The following L3MBTL3 variants were observed in gnomAD, a reference collection of about 807,000 sequenced individuals.
The protein encoded by L3MBTL3 is L3MBTL histone methyl-lysine binding protein 3.
A neutral mutation model predicts 102.3 loss-of-function variants in L3MBTL3; 27 were observed. That is an observed-to-expected ratio of 0.26 (90% CI 0.19 to 0.36). L3MBTL3 has a LOEUF of 0.36. Among genes scored for constraint, L3MBTL3 ranks in the 10% least tolerant of loss-of-function variants. L3MBTL3 has a pLI of 1.00. For missense variants in L3MBTL3, 798 were observed against 955.3 expected (o/e 0.84, Z 2.17); for synonymous variants, 340 against 320.9 (o/e 1.06, Z -0.64).
At chr6:130,057,012 T>A (rs1336149703) in intron 8 of L3MBTL3, among the ~76,000 whole-genome samples, 1 of 152,214 alleles carries the variant, frequency 6.6e-6, no homozygotes, top group Non-Finnish European at 1.5e-5. Flanking sequence ...TTTTCCTTCC[T>A]TTTCAAGATT....
chr6:130,056,939 A>G (rs1781547568), intron 8 of L3MBTL3, among the ~76,000 whole-genome samples: 1 of 152,164 alleles, frequency 6.6e-6, no homozygotes, highest in Non-Finnish European at 1.5e-5. Flanking sequence ...AACTGCCTCT[A>G]TTATTTTTAT....
At chr6:130,061,795 G>A (rs1312227852) in intron 10 of L3MBTL3, among the ~76,000 whole-genome samples, 1 of 152,248 alleles carries the variant, frequency 6.6e-6, no homozygotes, top group East Asian at 1.9e-4. Flanking sequence ...TCATCTAAGA[G>A]GTGGGTGCAG....
chr6:130,118,548 A>G (rs554857228), intron 19 of L3MBTL3, among the ~76,000 whole-genome samples: 1 of 152,352 alleles, frequency 6.6e-6, no homozygotes, highest in East Asian at 1.9e-4. Context: ...GAAACAGCAC[A>G]TAGAACCTCA....
In L3MBTL3 at chr6:130,030,303, G is replaced by A. The variant is rs575156834; in HGVS notation, c.-16+7998G>A. Among the ~76,000 whole-genome samples the A allele has an allele frequency of 6.6e-5, 10 of 152,222 alleles. 1 individual carries two copies. Among genetic ancestry groups the A allele is most frequent in the African/African-American group, 2.4e-4 (10 of 41,526 alleles). On this transcript the variant is annotated intron_variant, in intron 2 of 22. Coordinates refer to ENST00000361794, the MANE Select transcript of L3MBTL3 (RefSeq NM_032438.4). The stretch of plus-strand genomic sequence containing the variant: ...TACCTAACCCATTTTACAGTTGAAG[G>A]AGCTAAAGCTCAAGAAAGGTTAGGT...
intron 10 of L3MBTL3, among the ~76,000 whole-genome samples, chr6:130,064,488 A>G (rs1015135934): frequency 5.3e-5 from 8 of 152,238 alleles, no homozygotes; most frequent in Admixed American, 5.2e-4. Context: ...ATGCCAGGGT[A>G]TTGGATAAGT....
chr6:130,031,292 A>C (rs909106743), intron 2 of L3MBTL3, among the ~76,000 whole-genome samples: 10 of 152,336 alleles, frequency 6.6e-5, no homozygotes, highest in Admixed American at 2.0e-4. Flanking sequence ...ATCCAACTTG[A>C]AGATGAATAA....
chr6:130,138,119 T>C (rs1787900590), intron 22 of L3MBTL3: 2 of 152,240 alleles, frequency 1.3e-5, no homozygotes, highest in South Asian at 4.1e-4. Context: ...AGGCAGTCTA[T>C]ATTTACAGGT....
At chr6:130,108,068 T>A (rs1206784468) in intron 19 of L3MBTL3, among the ~76,000 whole-genome samples, 1 of 152,174 alleles carries the variant, frequency 6.6e-6, no homozygotes, top group Non-Finnish European at 1.5e-5. Flanking sequence ...TCGGCTTCCC[T>A]ACTTGCTAGG....
chr6:130,107,776 T>C (rs1227267323), intron 19 of L3MBTL3, among the ~76,000 whole-genome samples: 1 of 152,220 alleles, frequency 6.6e-6, no homozygotes, highest in Non-Finnish European at 1.5e-5. Flanking sequence ...CACTAAAACT[T>C]TGGAGGTAGA....
intron 22 of L3MBTL3, chr6:130,138,469 A>G (rs1787947613): frequency 6.6e-6 from 1 of 152,128 alleles, no homozygotes; most frequent in Non-Finnish European, 1.5e-5. Flanking sequence ...TTCCCTCTAT[A>G]TGTGTCTCTT....
intron 22 of L3MBTL3, among the ~76,000 whole-genome samples, chr6:130,136,790 G>A (rs1787731976): frequency 6.6e-6 from 1 of 152,032 alleles, no homozygotes; most frequent in South Asian, 2.1e-4. Flanking sequence ...GCTAATTTTT[G>A]TATTTTTAGT....
intron 20 of L3MBTL3, among the ~76,000 whole-genome samples, chr6:130,129,948 C>T (rs1189128548): frequency 6.6e-6 from 1 of 152,156 alleles, no homozygotes; most frequent in Admixed American, 6.6e-5. Flanking sequence ...CAAATTTGCT[C>T]AAATGAAGCT....
intron 18 of L3MBTL3, among the ~76,000 whole-genome samples, chr6:130,100,364 C>T (rs1784608371): frequency 6.6e-6 from 1 of 152,262 alleles, no homozygotes; most frequent in South Asian, 2.1e-4. Context: ...CACCTGAGCT[C>T]CTTTTGCATT....
intron 16 of L3MBTL3, among the ~76,000 whole-genome samples, chr6:130,091,796 G>A (rs1361862213): frequency 6.6e-6 from 1 of 152,042 alleles, no homozygotes; most frequent in African/African-American, 2.4e-5. Context: ...ATATGTGGGA[G>A]CTAAAAAAAA....
chr6:130,134,778 A>G (rs1582658368), intron 22 of L3MBTL3, among the ~76,000 whole-genome samples: 1 of 152,316 alleles, frequency 6.6e-6, no homozygotes. Flanking sequence ...GTAAAGCTCA[A>G]CTGTTAAGAA....
intron 15 of L3MBTL3, among the ~76,000 whole-genome samples, chr6:130,085,725 A>T (rs1584400232): frequency 6.6e-6 from 1 of 152,188 alleles, no homozygotes; most frequent in Non-Finnish European, 1.5e-5. Flanking sequence ...TTCTTTTATG[A>T]CATCATTCTC....
chr6:130,068,254 A>G, intron 11 of L3MBTL3, 76 bp from the exon 12 acceptor site: 1 of 731,974 alleles, frequency 1.4e-6, no homozygotes, highest in South Asian at 2.0e-5. Flanking sequence ...CATGTTAGAG[A>G]TAAAAGTGGG....
intron 19 of L3MBTL3, among the ~76,000 whole-genome samples, chr6:130,116,973 TTTTA>T (rs1261252613): frequency 6.3e-4 from 83 of 131,864 alleles, no homozygotes; most frequent in African/African-American, 1.8e-3. Flanking sequence ...TTATTTATTT[TTTTA>T]TTTTTTTATT....
At position 130,024,184 on chromosome 6, in the gene L3MBTL3, A is replaced by G. The variant is rs552589595; in HGVS notation, c.-16+1879A>G. Among the ~76,000 whole-genome samples, 17 of 152,264 alleles carry G rather than the reference A, an allele frequency of 1.1e-4. No individual in the cohort carries two copies. In the South Asian group the frequency reaches 3.3e-3, roughly 30 times the overall value. ...GGAGTAGTAATGATTTAAACTAACT[A>G]TAGGGGCCAGAACATGAGTCCTCCG... On this transcript the variant is annotated intron_variant, in intron 2 of 22. Coordinates refer to ENST00000361794, the MANE Select transcript of L3MBTL3 (RefSeq NM_032438.4).
Sources: allele counts gnomAD v4.1 joint callset (sites outside exome capture counted in the v4.1 genomes callset), GRCh38; gene constraint gnomAD v4.1.1; transcripts MANE v1.5; gene names NCBI Gene and HGNC (gene_info 2026-07-23, HGNC 2026-07-21).